The following PARD3 variants were observed in gnomAD, a reference collection of about 807,000 sequenced individuals.
PARD3 encodes partitioning defective 3 homolog.
In PARD3, 75 loss-of-function variants were observed where a neutral mutation model predicts 155.4. That is an observed-to-expected ratio of 0.48 (90% CI 0.40 to 0.58). The LOEUF (loss-of-function observed/expected upper bound fraction) is 0.58, where lower values mean the gene tolerates loss of function less well. PARD3 is among the 20% of genes least tolerant of loss of function. The pLI, the probability that PARD3 is intolerant of heterozygous loss-of-function variation, is 0.00. For synonymous variants in PARD3, 576 were observed against 610.5 expected, an observed-to-expected ratio of 0.94 and a Z score of 0.83; for missense variants, 1,642 against 1,721.7, an observed-to-expected ratio of 0.95 and a Z score of 0.82.
chr10:34,555,752 C>T (rs1278283969), intron 2 of PARD3, among the ~76,000 whole-genome samples: 2 of 151,992 alleles, frequency 1.3e-5, no homozygotes, highest in South Asian at 2.1e-4. Flanking sequence ...TACCATCACC[C>T]GCCCACACAC....
At chr10:34,499,589 T>C (rs752752407) in intron 3 of PARD3, among the ~76,000 whole-genome samples, 13 of 152,172 alleles carry the variant, frequency 8.5e-5, no homozygotes, top group Non-Finnish European at 1.8e-4. Flanking sequence ...TGCTAAGATA[T>C]GAAGTACACA....
intron 1 of PARD3, among the ~76,000 whole-genome samples, chr10:34,711,726 A>C (rs992518730): frequency 6.6e-6 from 1 of 152,116 alleles, no homozygotes; most frequent in Non-Finnish European, 1.5e-5. Flanking sequence ...GGGTATAGGA[A>C]AGAACTTACA....
At chr10:34,310,438 T>C (rs1957643238) in intron 20 of PARD3, among the ~76,000 whole-genome samples, 1 of 152,236 alleles carries the variant, frequency 6.6e-6, no homozygotes, top group Non-Finnish European at 1.5e-5. Flanking sequence ...AAGAATTTCT[T>C]TTGCGAAAAG....
At chr10:34,595,492 A>G (rs1005116981) in intron 2 of PARD3, among the ~76,000 whole-genome samples, 1 of 152,250 alleles carries the variant, frequency 6.6e-6, no homozygotes, top group African/African-American at 2.4e-5. Flanking sequence ...CAATTTGGTT[A>G]AATTTCAAGT....
intron 5 of PARD3, among the ~76,000 whole-genome samples, chr10:34,422,250 C>A (rs921514060): frequency 6.6e-6 from 1 of 152,124 alleles, no homozygotes; most frequent in Admixed American, 6.6e-5. Context: ...ATATGGCATT[C>A]ATAACTCAGG....
intron 22 of PARD3, among the ~76,000 whole-genome samples, chr10:34,262,376 C>G (rs905020600): frequency 2.0e-5 from 3 of 152,132 alleles, no homozygotes; most frequent in African/African-American, 7.2e-5. Flanking sequence ...AAGCAACCCT[C>G]CCACCTCAGC....
chr10:34,181,549 G>A (rs1219557014), intron 22 of PARD3, among the ~76,000 whole-genome samples: 4 of 152,148 alleles, frequency 2.6e-5, no homozygotes, highest in Non-Finnish European at 5.9e-5. Flanking sequence ...AACCCAAAGT[G>A]TCACATCACC....
At chr10:34,181,863 A>T (rs769298842) in intron 22 of PARD3, among the ~76,000 whole-genome samples, 1 of 152,094 alleles carries the variant, frequency 6.6e-6, no homozygotes, top group Admixed American at 6.6e-5. Context: ...CACAGTCCCA[A>T]ATTTTAACAT....
intron 22 of PARD3, among the ~76,000 whole-genome samples, chr10:34,145,310 C>T (rs531130829): frequency 2.0e-4 from 29 of 143,820 alleles, no homozygotes; most frequent in African/African-American, 5.9e-4. Context: ...TGATTTTGCT[C>T]AGCACTAGGT....
intron 1 of PARD3, among the ~76,000 whole-genome samples, chr10:34,768,987 G>A (rs565054486): frequency 6.6e-6 from 1 of 152,116 alleles, no homozygotes; most frequent in South Asian, 2.1e-4. Flanking sequence ...CTCATTACCC[G>A]CCCTCTCAAG....
Position 34,592,297 on chromosome 10 carries a change from T to C in PARD3, c.223-75138A>G, listed in dbSNP as rs541792632. On this transcript the variant is annotated intron_variant, in intron 2 of 24. Coordinates refer to ENST00000374788, the MANE Select transcript of PARD3 (RefSeq NM_001184785.2). ...GAGAACAGGTGAAACCTCCCTACTT[T>C]AAATCACCTGGGACACTAATTTTTT... Among the ~76,000 whole-genome samples, 86 of 152,310 alleles carry C rather than the reference T, an allele frequency of 5.6e-4. 2 individuals are homozygous for C. In the South Asian group the frequency reaches 0.014, roughly 24 times the overall value.
At chr10:34,659,195 G>A (rs953880655) in intron 2 of PARD3, among the ~76,000 whole-genome samples, 7 of 152,080 alleles carry the variant, frequency 4.6e-5, no homozygotes, top group Non-Finnish European at 1.0e-4. Context: ...TTGACACACA[G>A]GACAAACCAA....
Position 34,524,348 on chromosome 10 carries a change from T to C in PARD3, c.223-7189A>G, listed in dbSNP as rs115343258. Among the ~76,000 whole-genome samples, 369 of 152,278 alleles carry C rather than the reference T, an allele frequency of 2.4e-3. 3 individuals are homozygous for C. Among genetic ancestry groups the C allele is most frequent in the African/African-American group, 8.2e-3 (340 of 41,552 alleles). ...GAAGAAAGTATTTCTTGAACACTCA[T>C]GCCTAATAGAGATATTCCACTGCAT... On this transcript the variant is annotated intron_variant, in intron 2 of 24. Transcript: ENST00000374788.
At chr10:34,295,004 C>T (rs888598595) in intron 20 of PARD3, among the ~76,000 whole-genome samples, 1 of 152,036 alleles carries the variant, frequency 6.6e-6, no homozygotes, top group African/African-American at 2.4e-5. Flanking sequence ...GAGTTCAAGA[C>T]CAGCATGGGC....
rs551947762 is a variant in PARD3, at chr10:34,388,992, C to T, written c.891-4738G>A. Among the ~76,000 whole-genome samples the T allele has an allele frequency of 2.6e-5, 4 of 152,188 alleles. No individual in the cohort carries two copies. In the South Asian group the frequency reaches 8.3e-4, roughly 32 times the overall value. ...GTTATGTGAAACAGAACCTCCTCTA[C>T]CTTCCTTATGAATCTAAGATAAACC... On this transcript the variant is annotated intron_variant, in intron 7 of 24. Transcript: ENST00000374788.
intron 1 of PARD3, among the ~76,000 whole-genome samples, chr10:34,700,708 A>G (rs1475990438): frequency 6.6e-6 from 1 of 152,136 alleles, no homozygotes; most frequent in African/African-American, 2.4e-5. Flanking sequence ...GCAGTGGCTC[A>G]CACCTATAAT....
chr10:34,682,054 T>A (rs1060486), intron 2 of PARD3, among the ~76,000 whole-genome samples: 89,133 of 151,648 alleles, frequency 0.59, 27,591 homozygotes, highest in Non-Finnish European at 0.67. Flanking sequence ...AAGAAAAGGA[T>A]GCTGTTACAG....
At chr10:34,310,001 G>T (rs143902130) in intron 20 of PARD3, among the ~76,000 whole-genome samples, 12 of 151,768 alleles carry the variant, frequency 7.9e-5, no homozygotes, top group African/African-American at 2.7e-4. Context: ...TTCTAAATTG[G>T]CTATTATTAA....
chr10:34,320,202 C>A (rs1201626870), intron 19 of PARD3, among the ~76,000 whole-genome samples: 1 of 152,140 alleles, frequency 6.6e-6, no homozygotes, highest in Non-Finnish European at 1.5e-5. Context: ...TATCACCATT[C>A]CTCTAGCTTT....
Sources: gnomAD v4.1 joint callset for allele counts (sites outside exome capture counted in the v4.1 genomes callset) on GRCh38, gnomAD v4.1.1 for gene constraint, MANE v1.5 for transcripts, NCBI Gene and HGNC (gene_info 2026-07-23, HGNC 2026-07-21) for gene names.